Variants in CADPS observed in about 807,000 individuals in gnomAD.
CADPS encodes calcium dependent secretion activator.
Under a neutral mutation model 167.3 loss-of-function variants are expected in CADPS, and 57 were observed. The observed-to-expected ratio is 0.34, with a 90% CI of 0.28 to 0.42. The LOEUF is 0.42. CADPS is among the 20% of genes least tolerant of loss of function. The pLI is 1.00. For synonymous variants in CADPS, 676 were observed against 635.3 expected (o/e 1.06, Z -0.96); for missense variants, 1,414 against 1,738.1 (o/e 0.81, Z 3.32).
rs565332941 is a variant in CADPS at position 62,575,653 on chromosome 3, C to A, written c.1578-4715G>T. Among the ~76,000 whole-genome samples, 237 of 152,292 alleles carry A rather than the reference C, an allele frequency of 1.6e-3. 1 individual carries two copies. Among genetic ancestry groups the A allele is most frequent in the Non-Finnish European group, 1.5e-3 (104 of 68,032 alleles). ...GTTCCACAGCTGATGAAGGACACAG[C>A]CAGAAATTAAACTCAAAACAGCCTA... On this transcript the variant is annotated intron_variant, in intron 8 of 29. Transcript: ENST00000383710.
intron 1 of CADPS, among the ~76,000 whole-genome samples, chr3:62,809,343 C>T (rs2094282058): frequency 6.6e-6 from 1 of 152,192 alleles, no homozygotes. Context: ...AACCCCTGGG[C>T]ACCTCTGTGA....
intron 28 of CADPS, among the ~76,000 whole-genome samples, chr3:62,428,630 C>A (rs367591555): frequency 4.5e-4 from 68 of 152,238 alleles, no homozygotes; most frequent in South Asian, 8.3e-4. Flanking sequence ...TTCCTAAGCT[C>A]GACTTTGTTG....
At chr3:62,583,541 T>C (rs1047895528) in intron 8 of CADPS, among the ~76,000 whole-genome samples, 10 of 152,158 alleles carry the variant, frequency 6.6e-5, no homozygotes, top group Admixed American at 5.9e-4. Context: ...GCCCTGCACA[T>C]GCTCCTGTGG....
At chr3:62,848,007 A>G (rs2077809543) in intron 1 of CADPS, among the ~76,000 whole-genome samples, 1 of 105,274 alleles carries the variant, frequency 9.5e-6, no homozygotes, top group Non-Finnish European at 1.8e-5. Context: ...AGTGGTTTTG[A>G]TTTGCATTTC....
intron 1 of CADPS, among the ~76,000 whole-genome samples, chr3:62,851,381 A>G (rs1479335065): frequency 2.9e-4 from 39 of 136,484 alleles, no homozygotes; most frequent in African/African-American, 1.0e-3. Context: ...GATGGTCGTT[A>G]CATTTTGGCA....
intron 6 of CADPS, among the ~76,000 whole-genome samples, chr3:62,643,267 A>G (rs2067817847): frequency 6.6e-6 from 1 of 152,142 alleles, no homozygotes; most frequent in Non-Finnish European, 1.5e-5. Flanking sequence ...CCTTGGCACT[A>G]TTTTCCTCTG....
intron 3 of CADPS, among the ~76,000 whole-genome samples, chr3:62,710,397 A>C (rs1270951100): frequency 6.7e-6 from 1 of 150,374 alleles, no homozygotes; most frequent in Admixed American, 6.7e-5. Context: ...AAGTTGAGAT[A>C]TAATTAAAAA....
chr3:62,409,313 C>T (rs1266374532), intron 28 of CADPS, among the ~76,000 whole-genome samples: 1 of 152,242 alleles, frequency 6.6e-6, no homozygotes, highest in East Asian at 1.9e-4. Flanking sequence ...CTAGGTGTCC[C>T]TAAAGCAAAT....
At chr3:62,582,902 G>A (rs1041379197) in intron 8 of CADPS, among the ~76,000 whole-genome samples, 7 of 152,170 alleles carry the variant, frequency 4.6e-5, no homozygotes, top group Non-Finnish European at 7.3e-5. Flanking sequence ...TCAGTTTCTA[G>A]CAGAGTGAAT....
At chr3:62,585,796 G>T (rs1365830712) in intron 7 of CADPS, among the ~76,000 whole-genome samples, 1 of 152,192 alleles carries the variant, frequency 6.6e-6, no homozygotes, top group Non-Finnish European at 1.5e-5. Context: ...TTATTAGATG[G>T]ATGAGAAATG....
intron 1 of CADPS, among the ~76,000 whole-genome samples, chr3:62,852,947 T>TA (rs1179534422): frequency 6.6e-6 from 1 of 152,208 alleles, no homozygotes; most frequent in Non-Finnish European, 1.5e-5. Context: ...TCCTTTATTT[T>TA]AAAAAATGTT....
At chr3:62,708,516 T>C (rs1409745461) in intron 3 of CADPS, among the ~76,000 whole-genome samples, 2 of 151,930 alleles carry the variant, frequency 1.3e-5, no homozygotes, top group African/African-American at 4.8e-5. Flanking sequence ...AAGGTTACTA[T>C]ATGTAGAGAT....
chr3:62,536,343 A>G lies in CADPS; in HGVS notation c.2103+102T>C, dbSNP rs932922311. The G allele has an allele frequency of 5.0e-6, 5 of 995,452 alleles. No homozygotes were observed. In the African/African-American group the frequency reaches 8.2e-5, roughly 16 times the overall value. 61.7% of individuals were successfully genotyped at this position (995,452 alleles called of 1,614,324 possible). A position where few individuals can be genotyped will look rare whatever the true frequency, so the allele number is the denominator to read the frequency against. On this transcript the variant is annotated intron_variant, in intron 12 of 29. Coordinates refer to ENST00000383710, the MANE Select transcript of CADPS (RefSeq NM_003716.4). ...GAACACATTTATAATTGTTAAAGGG[A>G]TTCTGTAATGGAGAAAAGAGCTTCT...
At chr3:62,542,177 G>A (rs941932378) in intron 11 of CADPS, among the ~76,000 whole-genome samples, 1 of 152,118 alleles carries the variant, frequency 6.6e-6, no homozygotes, top group African/African-American at 2.4e-5. Flanking sequence ...TAAGCTAGAG[G>A]TAGCTGTTTT....
chr3:62,721,714 T>G (rs1047017700), intron 3 of CADPS, among the ~76,000 whole-genome samples: 5 of 152,232 alleles, frequency 3.3e-5, no homozygotes, highest in African/African-American at 1.2e-4. Flanking sequence ...CAATAATTAT[T>G]ATTACTATTG....
chr3:62,510,488 A>G (rs1204885415), intron 17 of CADPS, among the ~76,000 whole-genome samples: 1 of 152,182 alleles, frequency 6.6e-6, no homozygotes, highest in African/African-American at 2.4e-5. Context: ...TATTTAAAAT[A>G]ATAGAATTCA....
chr3:62,690,722 G>A (rs1451576326), intron 3 of CADPS, among the ~76,000 whole-genome samples: 6 of 151,680 alleles, frequency 4.0e-5, no homozygotes, highest in Admixed American at 3.9e-4. Context: ...TCTAACAGAG[G>A]GGTGAGGGAG....
chr3:62,729,887 A>C (rs2077443671), intron 3 of CADPS, among the ~76,000 whole-genome samples: 1 of 151,698 alleles, frequency 6.6e-6, no homozygotes, highest in Admixed American at 6.6e-5. Flanking sequence ...GTAAGGCTAT[A>C]CTCTCAGCTC....
intron 1 of CADPS, among the ~76,000 whole-genome samples, chr3:62,840,894 G>A (rs769545296): frequency 4.8e-4 from 73 of 152,214 alleles, no homozygotes; most frequent in Non-Finnish European, 8.4e-4. Flanking sequence ...TTGAATTACT[G>A]CTAATCTCTT....
Sources: gnomAD v4.1 joint callset for allele counts (sites outside exome capture counted in the v4.1 genomes callset) on GRCh38, gnomAD v4.1.1 for gene constraint, MANE v1.5 for transcripts, NCBI Gene and HGNC (gene_info 2026-07-23, HGNC 2026-07-21) for gene names.